Variants in SGCZ observed in about 807,000 individuals in gnomAD.
The protein encoded by SGCZ is zeta-sarcoglycan.
SGCZ carries 40 observed loss-of-function variants against 41.3 expected under a neutral mutation model. That is an observed-to-expected ratio of 0.97 (90% CI 0.75 to 1.26). The LOEUF (loss-of-function observed/expected upper bound fraction) is 1.26. SGCZ is among the 50% of genes most tolerant of loss of function. The pLI is 0.00. For missense variants in SGCZ, 552 were observed against 369.8 expected (o/e 1.49, Z -4.04); for synonymous variants, 206 against 137.5 (o/e 1.50, Z -3.49).
At chr8:14,949,847 G>A (rs1190268685) in intron 1 of SGCZ, among the ~76,000 whole-genome samples, 1 of 151,972 alleles carries the variant, frequency 6.6e-6, no homozygotes, top group Non-Finnish European at 1.5e-5. Flanking sequence ...TAATAATTCT[G>A]GAACAAAAAT....
chr8:14,556,249 G>T (rs1202958689), intron 1 of SGCZ, among the ~76,000 whole-genome samples: 1 of 151,550 alleles, frequency 6.6e-6, no homozygotes, highest in South Asian at 2.1e-4. Flanking sequence ...TATCTCTTCA[G>T]TTTTTTCTCA....
intron 1 of SGCZ, among the ~76,000 whole-genome samples, chr8:15,216,945 T>C (rs1381016889): frequency 6.6e-6 from 1 of 152,116 alleles, no homozygotes; most frequent in Non-Finnish European, 1.5e-5. Context: ...AAGAGAAGAT[T>C]AAAGGGTAAA....
At chr8:14,662,002 T>C (rs1419216156) in intron 1 of SGCZ, among the ~76,000 whole-genome samples, 1 of 152,186 alleles carries the variant, frequency 6.6e-6, no homozygotes, top group Non-Finnish European at 1.5e-5. Context: ...ACTTATATTA[T>C]TATACCAAAA....
intron 1 of SGCZ, among the ~76,000 whole-genome samples, chr8:14,989,124 T>G (rs1294416350): frequency 6.6e-6 from 1 of 152,140 alleles, no homozygotes; most frequent in Non-Finnish European, 1.5e-5. Context: ...AAACCCCAGT[T>G]AAGTTTATGG....
chr8:14,426,783 T>G (rs1799794521), intron 2 of SGCZ, among the ~76,000 whole-genome samples: 1 of 152,156 alleles, frequency 6.6e-6, no homozygotes, highest in Admixed American at 6.6e-5. Context: ...ACAGGTGTTT[T>G]ACTAAAATAA....
Position 14,554,756 on chromosome 8 carries a change from T to A in SGCZ, c.210A>T (p.Ile70=). The A allele has an allele frequency of 6.2e-7, 1 of 1,612,734 alleles. No homozygotes were observed. Residue 70 remains isoleucine, a synonymous_variant, in exon 2 of 8, where the codon ATA becomes ATT. Transcript: ENST00000382080. ...CCACAGTGAAATTCATAACTTTCAA[T>A]ATCCATATTGTCATGGCTAAGTTAA... The part of the protein sequence containing the change: ...MIVNLAMTIW[I]LKVMNFTVDG...
intron 1 of SGCZ, among the ~76,000 whole-genome samples, chr8:14,963,216 G>A (rs1481912616): frequency 1.3e-5 from 2 of 152,160 alleles, no homozygotes; most frequent in African/African-American, 4.8e-5. Context: ...ACCAGGTACT[G>A]TGTGTATATG....
At position 14,757,947 on chromosome 8, in the gene SGCZ, T is replaced by A. The variant is rs555206345; in HGVS notation, c.40-203021A>T. On this transcript the variant is annotated intron_variant, in intron 1 of 7. Coordinates refer to ENST00000382080, the MANE Select transcript of SGCZ (RefSeq NM_139167.4). ...AATAGTTTCATCTTAATTCTCCCAA[T>A]AACTCTATGAGATATGTATAAGCAT... Among the ~76,000 whole-genome samples, 12 of 152,280 alleles carry A rather than the reference T, an allele frequency of 7.9e-5. No individual in the cohort carries two copies. In the East Asian group the frequency reaches 1.9e-3, roughly 24 times the overall value.
intron 1 of SGCZ, among the ~76,000 whole-genome samples, chr8:14,874,298 A>T (rs1367662562): frequency 6.6e-6 from 1 of 152,130 alleles, no homozygotes; most frequent in African/African-American, 2.4e-5. Flanking sequence ...AGACATAATG[A>T]TTTACCTTGG....
chr8:14,612,230 T>A (rs1347401016), intron 1 of SGCZ, among the ~76,000 whole-genome samples: 1 of 152,154 alleles, frequency 6.6e-6, no homozygotes, highest in Non-Finnish European at 1.5e-5. Context: ...GGGAGGGAAC[T>A]GTTGCCAGGT....
chr8:14,942,752 C>T (rs1800319451), intron 1 of SGCZ, among the ~76,000 whole-genome samples: 1 of 152,040 alleles, frequency 6.6e-6, no homozygotes, highest in Admixed American at 6.6e-5. Context: ...CCAGTGTTGC[C>T]ATGTTGAGAA....
chr8:14,596,158 T>C (rs921005657), intron 1 of SGCZ, among the ~76,000 whole-genome samples: 26 of 152,212 alleles, frequency 1.7e-4, no homozygotes, highest in African/African-American at 6.3e-4. Context: ...TCTGCAGTAT[T>C]TGTAGGCCTT....
At chr8:14,503,399 C>G (rs1168152003) in intron 2 of SGCZ, among the ~76,000 whole-genome samples, 3 of 152,094 alleles carry the variant, frequency 2.0e-5, no homozygotes, top group African/African-American at 7.2e-5. Flanking sequence ...ACCTATGTAA[C>G]AAACCTGCAC....
chr8:14,337,151 T>C (rs908160474), intron 2 of SGCZ, among the ~76,000 whole-genome samples: 3 of 152,128 alleles, frequency 2.0e-5, no homozygotes, highest in African/African-American at 7.2e-5. Flanking sequence ...AATATATGGC[T>C]GGAACTCCCC....
chr8:14,454,549 G>A (rs984188474), intron 2 of SGCZ, among the ~76,000 whole-genome samples: 4 of 152,164 alleles, frequency 2.6e-5, no homozygotes, highest in South Asian at 2.1e-4. Context: ...AAAAAAAGTA[G>A]ATAGTAAAGT....
At chr8:14,982,465 C>G (rs1801699174) in intron 1 of SGCZ, among the ~76,000 whole-genome samples, 1 of 152,138 alleles carries the variant, frequency 6.6e-6, no homozygotes, top group Non-Finnish European at 1.5e-5. Context: ...GTAATTGTAT[C>G]AATGGGCTTT....
intron 1 of SGCZ, among the ~76,000 whole-genome samples, chr8:14,899,932 G>A (rs1343034804): frequency 6.6e-6 from 1 of 152,066 alleles, no homozygotes; most frequent in African/African-American, 2.4e-5. Flanking sequence ...TGAGTAGCTG[G>A]TGACCTGTAC....
intron 2 of SGCZ, among the ~76,000 whole-genome samples, chr8:14,468,058 T>C (rs2116970491): frequency 6.6e-6 from 1 of 152,180 alleles, no homozygotes; most frequent in African/African-American, 2.4e-5. Context: ...ATGCTAAACA[T>C]ACTTAATTCA....
intron 1 of SGCZ, among the ~76,000 whole-genome samples, chr8:14,953,250 G>T (rs1018519381): frequency 2.0e-5 from 3 of 152,140 alleles, no homozygotes; most frequent in Middle Eastern, 3.2e-3. Context: ...CGAAGGGGAA[G>T]CAAGTACTTC....
Sources: allele counts gnomAD v4.1 joint callset (sites outside exome capture counted in the v4.1 genomes callset), GRCh38; gene constraint gnomAD v4.1.1; transcripts MANE v1.5; gene names NCBI Gene and HGNC (gene_info 2026-07-23, HGNC 2026-07-21).